NCMAP: variants seen among roughly 807,000 people sequenced by gnomAD.
The protein encoded by NCMAP is non-compact myelin associated protein.
A neutral mutation model predicts 7.8 loss-of-function variants in NCMAP; 8 were observed. The observed-to-expected ratio is 1.02, with a 90% confidence interval of 0.60 to 1.84. The LOEUF (loss-of-function observed/expected upper bound fraction) is 1.84. NCMAP is among the 40% of genes most tolerant of loss of function. NCMAP has a pLI of 0.00. For synonymous variants in NCMAP, 41 were observed against 52.9 expected (o/e 0.78, Z 0.98); for missense variants, 112 against 131.4 (o/e 0.85, Z 0.72).
At chr1:24,569,977 T>C (rs1165988168) in intron 1 of NCMAP, among the ~76,000 whole-genome samples, 2 of 150,436 alleles carry the variant, frequency 1.3e-5, no homozygotes, top group African/African-American at 5.0e-5. Flanking sequence ...AGACAATTTT[T>C]CTTGCTCTGT....
chr1:24,575,816 G>A (rs919304295), intron 1 of NCMAP, among the ~76,000 whole-genome samples: 1 of 149,338 alleles, frequency 6.7e-6, no homozygotes, highest in South Asian at 2.1e-4. Context: ...GTGGTGGCAT[G>A]TGCCTGTAAT....
chr1:24,562,812 AG>A (rs1651091746), intron 1 of NCMAP, among the ~76,000 whole-genome samples: 3 of 152,176 alleles, frequency 2.0e-5, no homozygotes, highest in Admixed American at 6.5e-5. Context: ...TCCCAAGCAG[AG>A]TCTACCTCCT....
chr1:24,573,873 G>A (rs1651462559), intron 1 of NCMAP, among the ~76,000 whole-genome samples: 1 of 147,300 alleles, frequency 6.8e-6, no homozygotes, highest in African/African-American at 2.6e-5. Context: ...ATTAGCGAGC[G>A]AGTCTGAGTG....
chr1:24,583,465 G>A (rs976023985), intron 1 of NCMAP, among the ~76,000 whole-genome samples: 8 of 152,294 alleles, frequency 5.3e-5, no homozygotes, highest in Non-Finnish European at 1.2e-4. Flanking sequence ...TGTAATCCCA[G>A]CACTTTGGGA....
intron 1 of NCMAP, among the ~76,000 whole-genome samples, chr1:24,582,953 C>T (rs918148704): frequency 2.2e-4 from 34 of 152,180 alleles, no homozygotes; most frequent in Admixed American, 2.2e-3. Context: ...GTAACTGGCA[C>T]GTAAAAGACA....
intron 2 of NCMAP, among the ~76,000 whole-genome samples, chr1:24,597,638 A>AGAAG: frequency 8.0e-6 from 1 of 125,202 alleles, no homozygotes; most frequent in Non-Finnish European, 1.6e-5. Flanking sequence ...AAAGAAAGAA[A>AGAAG]GAAAGAAAGA....
At chr1:24,592,863 G>A (rs1189720607) in intron 1 of NCMAP, among the ~76,000 whole-genome samples, 1 of 152,092 alleles carries the variant, frequency 6.6e-6, no homozygotes, top group Non-Finnish European at 1.5e-5. Context: ...AGCTTGCAGT[G>A]AGCCGTGATC....
intron 1 of NCMAP, among the ~76,000 whole-genome samples, chr1:24,577,401 G>GTTTTTTTTTTTTTTTTTTTTTTTTT (rs71577720): frequency 3.5e-4 from 14 of 39,968 alleles, no homozygotes; most frequent in East Asian, 8.9e-4. Flanking sequence ...CACTGGCCTT[G>GTTTTTTTTTTTTTTTTTTTTTTTTT]TTTTTTTTTT....
At position 24,570,376 on chromosome 1, in the gene NCMAP, T is replaced by A. The variant is rs905828334; in HGVS notation, c.-8+14207T>A. Among the ~76,000 whole-genome samples, 4 of 150,838 alleles carry A rather than the reference T, an allele frequency of 2.7e-5. 2 individuals carry two copies. The highest frequency in any genetic ancestry group is 1.0e-4 in the African/African-American group (4 of 40,138). On this transcript the variant is annotated intron_variant, in intron 1 of 3. Coordinates refer to ENST00000374392, the MANE Select transcript of NCMAP (RefSeq NM_001010980.5). Reference sequence around the variant, plus strand: ...CGAGTGCAGTGGCTTGCACCTATAGTTCCAGCTGCTTGGGCAGTGCAGATG... The same window carrying A: ...CGAGTGCAGTGGCTTGCACCTATAGATCCAGCTGCTTGGGCAGTGCAGATG...
intron 2 of NCMAP, among the ~76,000 whole-genome samples, chr1:24,597,800 A>G (rs1181376355): frequency 6.6e-6 from 1 of 152,198 alleles, no homozygotes; most frequent in Non-Finnish European, 1.5e-5. Flanking sequence ...TTAAATTTGA[A>G]TTTAAGATAA....
rs1173296498 is a variant in NCMAP at position 24,576,490 on chromosome 1, T to C, written c.-7-18934T>C. ...GGCTTGGCAGGAAAGGGGAGGGGTG[T>C]TCCTTCTGGAATGGAGGGTGTGGAG... On this transcript the variant is annotated intron_variant, in intron 1 of 3. Transcript: ENST00000374392. The surrounding 1 kb of genome is among the most constrained non-coding windows in gnomAD (Gnocchi z 4.0). Among the ~76,000 whole-genome samples, 2 of 151,866 alleles carry C rather than the reference T, an allele frequency of 1.3e-5. No homozygotes were observed.
intron 3 of NCMAP, among the ~76,000 whole-genome samples, chr1:24,601,774 C>A (rs1652501073): frequency 6.6e-6 from 1 of 152,158 alleles, no homozygotes; most frequent in African/African-American, 2.4e-5. Context: ...GGCACGGTGG[C>A]TCACGCCTGT....
intron 1 of NCMAP, among the ~76,000 whole-genome samples, chr1:24,589,142 G>A (rs1324285365): frequency 6.6e-6 from 1 of 152,112 alleles, no homozygotes; most frequent in Non-Finnish European, 1.5e-5. Flanking sequence ...TGAAGATTAA[G>A]TGAGATCTCC....
intron 1 of NCMAP, among the ~76,000 whole-genome samples, chr1:24,591,252 G>A (rs1313368509): frequency 2.0e-5 from 3 of 152,080 alleles, no homozygotes; most frequent in Admixed American, 1.3e-4. Flanking sequence ...TTCCTTGGGG[G>A]GCGACTGGGG....
Position 24,607,086 on chromosome 1 carries a change from C to G in NCMAP, c.*1339C>G, listed in dbSNP as rs1652791342. On this transcript the variant is annotated 3_prime_UTR_variant, in exon 4 of 4. Coordinates refer to ENST00000374392, the MANE Select transcript of NCMAP (RefSeq NM_001010980.5). ...CACAGCTCGCTGCAGCCTTGAACTC[C>G]TGGGCTCAAGGGATGCTCCCTCCTC... 1 of 151,826 alleles carries G rather than the reference C, an allele frequency of 6.6e-6. No individual in the cohort carries two copies. Among genetic ancestry groups the G allele is most frequent in the African/African-American group, 2.4e-5 (1 of 41,338 alleles). 9.4% of individuals were successfully genotyped at this position (151,826 alleles called of 1,614,324 possible).
chr1:24,568,264 G>A (rs967637931), intron 1 of NCMAP, among the ~76,000 whole-genome samples: 3 of 152,224 alleles, frequency 2.0e-5, no homozygotes, highest in Admixed American at 2.0e-4. Flanking sequence ...TCACAGAGAA[G>A]CTCAGTTATA....
intron 1 of NCMAP, among the ~76,000 whole-genome samples, chr1:24,557,447 G>A (rs990185863): frequency 3.3e-5 from 5 of 150,588 alleles, no homozygotes; most frequent in Admixed American, 6.6e-5. Flanking sequence ...GTGTGTGCAC[G>A]TGTGTGCGTG....
Position 24,576,038 on chromosome 1 carries a change from CCT to C in NCMAP, c.-7-19381_-7-19380del, listed in dbSNP as rs1651549770. ...TCAGAACTAGCTCCCTCATCCTGAT[CCT>C]CTCTGCACAGCCGCATTGCCCCGTC... On this transcript the variant is annotated intron_variant, in intron 1 of 3. Coordinates refer to ENST00000374392, the MANE Select transcript of NCMAP (RefSeq NM_001010980.5). The surrounding 1 kb of genome is among the most constrained non-coding windows in gnomAD (Gnocchi z 4.0). 6.6e-6 allele frequency among the ~76,000 whole-genome samples: 1 copy of C among 152,058 alleles called. No individual in the cohort carries two copies. The highest frequency in any genetic ancestry group is 2.4e-5 in the African/African-American group (1 of 41,412).
intron 1 of NCMAP, among the ~76,000 whole-genome samples, chr1:24,588,059 T>G (rs1424670745): frequency 6.6e-6 from 1 of 152,050 alleles, no homozygotes; most frequent in Non-Finnish European, 1.5e-5. Flanking sequence ...ATGGGACTTC[T>G]GAGAGGAAAA....
Sources: allele counts gnomAD v4.1 joint callset (sites outside exome capture counted in the v4.1 genomes callset), GRCh38; gene constraint gnomAD v4.1.1; non-coding constraint Gnocchi (gnomAD v3.1); transcripts MANE v1.5; gene names NCBI Gene and HGNC (gene_info 2026-07-23, HGNC 2026-07-21).